The following SSBP4 variants were observed in gnomAD, a reference collection of about 807,000 sequenced individuals.
SSBP4 encodes single stranded DNA binding protein 4.
In SSBP4, 33 loss-of-function variants were observed where a neutral mutation model predicts 64.6. The observed-to-expected ratio is 0.51, with a 90% CI of 0.39 to 0.68. The LOEUF (loss-of-function observed/expected upper bound fraction) is 0.68, where lower values mean the gene tolerates loss of function less well. Ranked by LOEUF, SSBP4 falls within the 30% of genes least tolerant of loss-of-function variation. The pLI is 0.00. For missense variants in SSBP4, 583 were observed against 566.8 expected, an observed-to-expected ratio of 1.03 and a Z score of -0.29; for synonymous variants, 243 against 224.0, an observed-to-expected ratio of 1.08 and a Z score of -0.76.
Position 18,434,324 on chromosome 19 carries a change from A to C in SSBP4, c.*78A>C. The C allele has an allele frequency of 6.4e-7, 1 of 1,566,496 alleles. No individual in the cohort carries two copies. Among genetic ancestry groups the C allele is most frequent in the South Asian group, 1.1e-5 (1 of 86,966 alleles). ...CTGCTCAGGGCGAGGGGCTGAGGTC[A>C]CACCTCGGGCACCTGGACTCCTGGC... On this transcript the variant is annotated 3_prime_UTR_variant, in exon 18 of 18. Transcript: ENST00000270061.
Position 18,433,313 on chromosome 19 carries a change from C to G in SSBP4, c.991+100C>G, listed in dbSNP as rs529395075. On this transcript the variant is annotated intron_variant, in intron 15 of 17. Transcript: ENST00000270061. ...CAGCCCGCCTGCCGGGTGGAGGCGT[C>G]TAGTGGCGTCCTGAGCCCCCCGGGG... 9,870 of 1,446,902 alleles carry G rather than the reference C, an allele frequency of 6.8e-3. 41 individuals are homozygous for G. The highest frequency in any genetic ancestry group is 8.3e-3 in the Non-Finnish European group (8,984 of 1,076,638). 89.6% of individuals were successfully genotyped at this position (1,446,902 alleles called of 1,614,324 possible). A position where few individuals can be genotyped will look rare whatever the true frequency, so the allele number is the denominator to read the frequency against.
In SSBP4 at chr19:18,432,133, CT is replaced by C; in HGVS notation, c.637-11del. On this transcript the variant is annotated splice_polypyrimidine_tract_variant and intron_variant, in intron 9 of 17. Transcript: ENST00000270061. ...GTCCCCGGTCTACCCCTCACAGCCC[CT>C]TTGCCTCCGCAGAGCTATGGAGGTG... 1 of 1,612,664 alleles carries C rather than the reference CT, an allele frequency of 6.2e-7. No individual in the cohort carries two copies. Among genetic ancestry groups the C allele is most frequent in the Non-Finnish European group, 8.5e-7 (1 of 1,179,580 alleles).
At chr19:18,404,888 T>A in the SSBP4 span, among the ~76,000 whole-genome samples, 385 of 85,748 alleles carry the variant, frequency 4.5e-3, 3 homozygotes, top group African/African-American at 0.022. Flanking sequence ...CGAGACTCCA[T>A]CTCAAAAAAA....
At chr19:18,429,635 G>A (rs1973182812) in intron 4 of SSBP4, among the ~76,000 whole-genome samples, 1 of 151,186 alleles carries the variant, frequency 6.6e-6, no homozygotes, top group Non-Finnish European at 1.5e-5. Context: ...GAGGGCAGCT[G>A]CTCCAGGCCA....
chr19:18,427,975 A>C lies in SSBP4; in HGVS notation c.272A>C (p.Gln91Pro). The C allele has an allele frequency of 6.3e-7, 1 of 1,581,174 alleles. No individual in the cohort carries two copies. Among genetic ancestry groups the C allele is most frequent in the Non-Finnish European group, 8.6e-7 (1 of 1,160,868 alleles). ...CACTCCGGCGAGGCCAAGGCCTTCCAGGACTATGTGAGTCCTGGCCCCAGG... is the reference window on the plus strand; with the variant it reads ...CACTCCGGCGAGGCCAAGGCCTTCCCGGACTATGTGAGTCCTGGCCCCAGG... ...CEHSGEAKAF[Q>P]DYSAAAAPSP... Residue 91 changes from glutamine (Q) to proline (P), a missense_variant, in exon 4 of 18, where the codon CAG (glutamine) becomes CCG (proline). Physicochemically the swap from Gln to Pro is moderately conservative, Grantham distance 76. Transcript: ENST00000270061. This position sits in a 1 kb window ranked among gnomAD's most constrained non-coding sequence, Gnocchi z 4.4.
rs1438911951 is a variant in SSBP4, at chr19:18,419,416, C to T, written c.-233C>T. 42 of 1,038,562 alleles carry T rather than the reference C, an allele frequency of 4.0e-5. No homozygotes were observed. Among genetic ancestry groups the T allele is most frequent in the African/African-American group, 1.7e-5 (1 of 57,840 alleles). The allele number at this position is 1,038,562 out of a possible 1,614,324, so 64.3% of individuals were successfully genotyped here. A position where few individuals can be genotyped will look rare whatever the true frequency, so the allele number is the denominator to read the frequency against. The stretch of plus-strand genomic sequence containing the variant: ...AGCGCGCGTTTCCCGGAACAGCCCG[C>T]GCGGAGGAAAGGGAGGAAAAAAAGC... On this transcript the variant is annotated 5_prime_UTR_variant, in exon 1 of 18. Coordinates refer to ENST00000270061, the MANE Select transcript of SSBP4 (RefSeq NM_032627.5).
At position 18,434,262 on chromosome 19, in the gene SSBP4, G is replaced by C; in HGVS notation, c.*16G>C. ...GAGCGTGTGATGGGGCGGCAGCCCC[G>C]GGCCTCTCTGCGGGCCTAGGCTTCT... On this transcript the variant is annotated 3_prime_UTR_variant, in exon 18 of 18. Coordinates refer to ENST00000270061, the MANE Select transcript of SSBP4 (RefSeq NM_032627.5). The C allele has an allele frequency of 6.2e-7, 1 of 1,610,564 alleles. No homozygotes were observed. The highest frequency in any genetic ancestry group is 8.5e-7 in the Non-Finnish European group (1 of 1,178,978).
chr19:18,413,147 G>GTTTTTTT, the SSBP4 span, among the ~76,000 whole-genome samples: 1 of 114,548 alleles, frequency 8.7e-6, no homozygotes, highest in African/African-American at 3.4e-5. Context: ...TTTGGTTTGG[G>GTTTTTTT]TTTTTTTTTT....
At chr19:18,432,106 C>T in intron 9 of SSBP4, 36 bp downstream of exon 9, 1 of 1,605,048 alleles carries the variant, frequency 6.2e-7, no homozygotes, top group Non-Finnish European at 8.5e-7. Context: ...GGCCTTCGGG[C>T]TGTCCCCGGT....
Position 18,427,493 on chromosome 19 carries a change from G to A in SSBP4, c.132+70G>A. The A allele has an allele frequency of 6.4e-7, 1 of 1,554,152 alleles. No individual in the cohort carries two copies. The highest frequency in any genetic ancestry group is 1.1e-5 in the South Asian group (1 of 88,256). On this transcript the variant is annotated intron_variant, in intron 2 of 17. Coordinates refer to ENST00000270061, the MANE Select transcript of SSBP4 (RefSeq NM_032627.5). This position sits in a 1 kb window ranked among gnomAD's most constrained non-coding sequence, Gnocchi z 4.4. The stretch of plus-strand genomic sequence containing the variant: ...CCGGGGGTCCTTCATTTCCACTGGG[G>A]ATCCAGGGGGTGGGCCCGCGTTGCC...
At chr19:18,428,156 G>A (rs1431322934) in intron 4 of SSBP4, among the ~76,000 whole-genome samples, 174 bp downstream of exon 4, 2 of 152,130 alleles carry the variant, frequency 1.3e-5, no homozygotes, top group Non-Finnish European at 2.9e-5. Context: ...CTTTTGGGGG[G>A]TCCTTCCACC....
At chr19:18,430,774 G>T in intron 4 of SSBP4, 67 bp from the exon 5 acceptor site, 1 of 1,443,982 alleles carries the variant, frequency 6.9e-7, no homozygotes. Flanking sequence ...GAGAGGGGGG[G>T]CACACCCCAG....
Position 18,434,296 on chromosome 19 carries a change from C to T in SSBP4, c.*50C>T. 6.2e-7 allele frequency: 1 copy of T among 1,605,546 alleles called. No individual in the cohort carries two copies. The highest frequency in any genetic ancestry group is 8.5e-7 in the Non-Finnish European group (1 of 1,176,664). ...TGCGGGCCTAGGCTTCTGCCCAGCG[C>T]CCCTGCTCAGGGCGAGGGGCTGAGG... On this transcript the variant is annotated 3_prime_UTR_variant, in exon 18 of 18. Transcript: ENST00000270061.
In SSBP4 at chr19:18,433,769, C is replaced by T. The variant is rs962552254; in HGVS notation, c.1080C>T (p.Gly360=). Residue 360 remains glycine (G), a synonymous_variant, in exon 17 of 18, where the codon GGC becomes GGT. Transcript: ENST00000270061. ...CCCCGGGCACCCCGCGGGACGACGG[C>T]GAGATGGCGGCCGCCGGGACCTTCC... ...SNAPGTPRDD[G]EMAAAGTFLH... is the part of the protein sequence containing the mutation. The T allele has an allele frequency of 2.1e-6, 3 of 1,438,574 alleles. No individual in the cohort carries two copies. The highest frequency in any genetic ancestry group is 1.5e-5 in the African/African-American group (1 of 66,540). 89.1% of individuals were successfully genotyped at this position (1,438,574 alleles called of 1,614,324 possible). A position where few individuals can be genotyped will look rare whatever the true frequency, so the allele number is the denominator to read the frequency against.
At chr19:18,428,118 C>A in intron 4 of SSBP4, 136 bp downstream of exon 4, 1 of 980,222 alleles carries the variant, frequency 1.0e-6, no homozygotes, top group South Asian at 1.6e-5. Context: ...ACAGGCAGAG[C>A]TGCAGCCTCC....
the SSBP4 span, among the ~76,000 whole-genome samples, chr19:18,406,740 G>A: frequency 3.3e-5 from 5 of 152,162 alleles, no homozygotes; most frequent in African/African-American, 7.2e-5. Flanking sequence ...GGGGAGGGCT[G>A]AGCCAAGCAC....
chr19:18,412,641 A>G, the SSBP4 span, among the ~76,000 whole-genome samples: 1 of 151,924 alleles, frequency 6.6e-6, no homozygotes, highest in African/African-American at 2.4e-5. Flanking sequence ...AGTGCCACCT[A>G]TGGGTCTCTC....
rs770770406 is a variant in SSBP4, at chr19:18,432,560, G to A, written c.706G>A (p.Gly236Ser). ...AGPGLPAMNM[G>S]PGVRGPWASP... Reference sequence around the variant, plus strand: ...TCTGTCATCCGCGGTCTCTTCCAGGGGCCCAGGAGTTCGTGGCCCGTGGGC... The same window carrying A: ...TCTGTCATCCGCGGTCTCTTCCAGGAGCCCAGGAGTTCGTGGCCCGTGGGC... The change falls in exon 11 of 18, where the codon GGC becomes AGC. Residue 236 changes from glycine (G) to serine (S), a missense_variant and splice_region_variant. Physicochemically the swap from Gly to Ser is moderately conservative, Grantham distance 56. Coordinates refer to ENST00000270061, the MANE Select transcript of SSBP4 (RefSeq NM_032627.5). 1.3e-6 allele frequency: 2 copies of A among 1,569,564 alleles called. No homozygotes were observed. The highest frequency in any genetic ancestry group is 1.7e-6 in the Non-Finnish European group (2 of 1,154,412).
chr19:18,422,657 G>A (rs960998558), intron 1 of SSBP4, among the ~76,000 whole-genome samples: 3 of 152,214 alleles, frequency 2.0e-5, no homozygotes, highest in African/African-American at 7.2e-5. Context: ...AAATGTGGAC[G>A]ACCCATCTTT....
Sources: gnomAD v4.1 joint callset for allele counts (sites outside exome capture counted in the v4.1 genomes callset) on GRCh38, gnomAD v4.1.1 for gene constraint, Gnocchi (gnomAD v3.1) non-coding constraint, MANE v1.5 for transcripts, NCBI Gene and HGNC (gene_info 2026-07-23, HGNC 2026-07-21) for gene names.